ACCSL: variants seen among roughly 807,000 people sequenced by gnomAD.
ACCSL encodes probable inactive 1-aminocyclopropane-1-carboxylate synthase-like protein 2.
ACCSL carries 55 observed loss-of-function variants against 61.7 expected under a neutral mutation model. The observed-to-expected ratio is 0.89, with a 90% CI of 0.72 to 1.12. ACCSL has a LOEUF of 1.12. ACCSL is among the 50% of genes most tolerant of loss of function. The pLI is 0.00. For missense variants in ACCSL, 632 were observed against 698.0 expected (o/e 0.91, Z 1.07); for synonymous variants, 258 against 264.3 (o/e 0.98, Z 0.23).
At chr11:44,005,701 C>T in the ACCSL span, among the ~76,000 whole-genome samples, 22 of 152,218 alleles carry the variant, frequency 1.4e-4, no homozygotes, top group African/African-American at 3.1e-4. Flanking sequence ...GTTTCATGTT[C>T]CCAGAACCTC....
the ACCSL span, among the ~76,000 whole-genome samples, chr11:43,932,348 C>A: frequency 1 from 151,594 of 152,064 alleles, 75,566 homozygotes; most frequent in Middle Eastern, 1. Flanking sequence ...GCTCACTGCA[C>A]CCTCCGCCTC....
At chr11:43,995,736 C>T in the ACCSL span, among the ~76,000 whole-genome samples, 3 of 152,116 alleles carry the variant, frequency 2.0e-5, no homozygotes, top group Non-Finnish European at 4.4e-5. Flanking sequence ...CCAGCGAGTG[C>T]AGAGCCCAGA....
chr11:43,967,825 GA>G, the ACCSL span, among the ~76,000 whole-genome samples: 1 of 152,126 alleles, frequency 6.6e-6, no homozygotes, highest in Non-Finnish European at 1.5e-5. Flanking sequence ...TCAGGGAATG[GA>G]ATTTTGCCAG....
the ACCSL span, among the ~76,000 whole-genome samples, chr11:43,937,290 G>A: frequency 9.2e-5 from 14 of 152,216 alleles, no homozygotes. Flanking sequence ...CAACAGACAA[G>A]AAGACCCTTT....
chr11:43,966,706 A>G, the ACCSL span, among the ~76,000 whole-genome samples: 1 of 152,256 alleles, frequency 6.6e-6, no homozygotes, highest in African/African-American at 2.4e-5. Flanking sequence ...TTGGTATTGA[A>G]TATTGCTGGG....
the ACCSL span, among the ~76,000 whole-genome samples, chr11:44,003,950 T>A: frequency 3.9e-5 from 6 of 152,170 alleles, no homozygotes; most frequent in Non-Finnish European, 5.9e-5. Context: ...AGCAGGGAGC[T>A]GTTCCCCCAG....
At chr11:44,051,043 A>G (rs559643305) in intron 3 of ACCSL, among the ~76,000 whole-genome samples, 36 of 152,138 alleles carry the variant, frequency 2.4e-4, no homozygotes, top group African/African-American at 4.3e-4. Context: ...GGGTTTCACC[A>G]TGTTTGCCAG....
the ACCSL span, among the ~76,000 whole-genome samples, chr11:43,941,311 A>G: frequency 6.6e-6 from 1 of 151,438 alleles, no homozygotes; most frequent in East Asian, 2.0e-4. Context: ...ACAACACCCC[A>G]CTCCCATTAG....
the ACCSL span, among the ~76,000 whole-genome samples, chr11:44,025,254 C>T: frequency 6.6e-6 from 1 of 151,970 alleles, no homozygotes; most frequent in Non-Finnish European, 1.5e-5. Flanking sequence ...TCTATCATTG[C>T]TGCCCTATTT....
At chr11:43,928,397 A>G in the ACCSL span, among the ~76,000 whole-genome samples, 3 of 152,198 alleles carry the variant, frequency 2.0e-5, no homozygotes, top group African/African-American at 7.2e-5. Context: ...CTCAGCTACG[A>G]GGTCAGCATA....
At chr11:43,993,208 G>C in the ACCSL span, among the ~76,000 whole-genome samples, 1 of 152,140 alleles carries the variant, frequency 6.6e-6, no homozygotes, top group African/African-American at 2.4e-5. Context: ...AATTCATGGG[G>C]TATGGCCCCT....
the ACCSL span, among the ~76,000 whole-genome samples, chr11:44,012,372 C>T: frequency 2.0e-4 from 31 of 152,186 alleles, no homozygotes; most frequent in African/African-American, 4.6e-4. Context: ...CTGCAACCTC[C>T]GCCTCCCGTG....
the ACCSL span, among the ~76,000 whole-genome samples, chr11:43,995,843 G>T: frequency 6.6e-6 from 1 of 152,230 alleles, no homozygotes; most frequent in Admixed American, 6.5e-5. Flanking sequence ...CATGTATTAT[G>T]AGTTGAACCA....
At chr11:43,948,286 G>A in the ACCSL span, among the ~76,000 whole-genome samples, 1 of 152,226 alleles carries the variant, frequency 6.6e-6, no homozygotes, top group Admixed American at 6.5e-5. Context: ...AGGCCCTTTG[G>A]CCTCTGGAAA....
the ACCSL span, among the ~76,000 whole-genome samples, chr11:43,921,365 A>G: frequency 6.6e-6 from 1 of 152,202 alleles, no homozygotes; most frequent in Non-Finnish European, 1.5e-5. Context: ...CTTTTAAAAA[A>G]CAAAAAACAA....
At chr11:43,929,365 A>T in the ACCSL span, among the ~76,000 whole-genome samples, 1 of 152,100 alleles carries the variant, frequency 6.6e-6, no homozygotes, top group Non-Finnish European at 1.5e-5. Context: ...GACTATAGGC[A>T]CATGCCATCA....
the ACCSL span, among the ~76,000 whole-genome samples, chr11:43,927,900 C>T: frequency 6.6e-6 from 1 of 152,160 alleles, no homozygotes; most frequent in Non-Finnish European, 1.5e-5. Context: ...GACATCTCAG[C>T]CAGTATGGGT....
the ACCSL span, among the ~76,000 whole-genome samples, chr11:43,998,438 C>T: frequency 6.6e-6 from 1 of 152,242 alleles, no homozygotes; most frequent in East Asian, 1.9e-4. Flanking sequence ...TGACTGGTTC[C>T]ATAAGGAAAG....
the ACCSL span, among the ~76,000 whole-genome samples, chr11:43,929,993 A>G: frequency 1.3e-5 from 2 of 152,182 alleles, no homozygotes; most frequent in African/African-American, 2.4e-5. Flanking sequence ...AGGGACCTCA[A>G]TCTGAGCCAT....
Sources: allele counts gnomAD v4.1 joint callset (sites outside exome capture counted in the v4.1 genomes callset), GRCh38; gene constraint gnomAD v4.1.1; transcripts MANE v1.5; gene names NCBI Gene and HGNC (gene_info 2026-07-23, HGNC 2026-07-21).